Variants in PLEKHO2 observed in about 807,000 individuals in gnomAD.
PLEKHO2 encodes pleckstrin homology domain-containing family O member 2.
In PLEKHO2, 20 loss-of-function variants were observed where a neutral mutation model predicts 32.7. The ratio of observed to expected loss-of-function variants is 0.61; its 90% CI spans 0.43 to 0.89. The LOEUF is 0.89. Among genes scored for constraint, PLEKHO2 ranks in the 40% least tolerant of loss-of-function variants. The pLI, the probability that PLEKHO2 is intolerant of heterozygous loss-of-function variation, is 0.00. For missense variants in PLEKHO2, 568 were observed against 621.2 expected (o/e 0.91, Z 0.91); for synonymous variants, 247 against 246.3 (o/e 1.00, Z -0.03).
chr15:64,855,134 C>G, intron 3 of PLEKHO2, 97 bp downstream of exon 3: 1 of 955,638 alleles, frequency 1.0e-6, no homozygotes, highest in Admixed American at 2.1e-5. Context: ...CTTGAAAAAG[C>G]CTGTTTTCCG....
Position 64,865,304 on chromosome 15 carries a change from G to A in PLEKHO2, c.889G>A (p.Glu297Lys), listed in dbSNP as rs1183675120. 1.2e-6 allele frequency: 2 copies of A among 1,613,828 alleles called. No individual in the cohort carries two copies. The highest frequency in any genetic ancestry group is 1.7e-6 in the Non-Finnish European group (2 of 1,179,790). ...SAEPSQAPCS[E>K]TSEAAPREGG... ...AGAACCGTCCCAGGCACCCTGTTCT[G>A]AGACTTCTGAGGCTGCCCCCAGGGA... The change falls in exon 6 of 6, where the codon GAG (glutamate) becomes AAG (lysine). Residue 297 changes from glutamate (E) to lysine (K), a missense_variant. Glu to Lys is a moderately conservative substitution (Grantham distance 56). Transcript: ENST00000323544.
chr15:64,858,898 C>T (rs971996129), intron 3 of PLEKHO2, among the ~76,000 whole-genome samples: 2 of 152,176 alleles, frequency 1.3e-5, no homozygotes, highest in African/African-American at 4.8e-5. Flanking sequence ...AAAACTAAAA[C>T]TCTATGCCCA....
At chr15:64,843,012 C>T (rs749596580) in intron 1 of PLEKHO2, among the ~76,000 whole-genome samples, 3 of 152,192 alleles carry the variant, frequency 2.0e-5, no homozygotes, top group Non-Finnish European at 2.9e-5. Context: ...ATGTCTTTGC[C>T]TCCTTGGATG....
chr15:64,846,637 A>G (rs2084524791), intron 1 of PLEKHO2, among the ~76,000 whole-genome samples: 1 of 152,076 alleles, frequency 6.6e-6, no homozygotes, highest in Non-Finnish European at 1.5e-5. Context: ...GATCATTTGG[A>G]CCACCCCACT....
In PLEKHO2 at chr15:64,865,963, GTGCTTC is replaced by G; in HGVS notation, c.*83_*88del. Reference sequence around the variant, plus strand: ...TCAAGGCCCAGCCCTGCTGAGAAATGTGCTTCTGCTTCTACAGCAATGGCTGCAGGA... The same window carrying G: ...TCAAGGCCCAGCCCTGCTGAGAAATGTGCTTCTACAGCAATGGCTGCAGGA... On this transcript the variant is annotated 3_prime_UTR_variant, in exon 6 of 6. Coordinates refer to ENST00000323544, the MANE Select transcript of PLEKHO2 (RefSeq NM_025201.5). 2 of 1,504,704 alleles carry G rather than the reference GTGCTTC, an allele frequency of 1.3e-6. No individual in the cohort carries two copies. The highest frequency in any genetic ancestry group is 4.1e-5 in the Admixed American group (2 of 48,588). 93.2% of individuals were successfully genotyped at this position (1,504,704 alleles called of 1,614,324 possible).
chr15:64,858,966 C>T (rs958992106), intron 3 of PLEKHO2, among the ~76,000 whole-genome samples: 2 of 152,202 alleles, frequency 1.3e-5, no homozygotes, highest in African/African-American at 4.8e-5. Context: ...CCACTCTCCT[C>T]TCTGTCTCTA....
intron 1 of PLEKHO2, among the ~76,000 whole-genome samples, chr15:64,846,143 G>A (rs1054099035): frequency 6.6e-6 from 1 of 152,136 alleles, no homozygotes; most frequent in Non-Finnish European, 1.5e-5. Context: ...CGCTGAAGTA[G>A]TGTTAGGGCC....
intron 1 of PLEKHO2, among the ~76,000 whole-genome samples, chr15:64,843,602 C>T (rs536917053): frequency 2.7e-5 from 4 of 146,720 alleles, no homozygotes; most frequent in African/African-American, 5.0e-5. Context: ...TTTTTTGAGA[C>T]GGAGTTTCGC....
At chr15:64,856,874 C>T (rs1170379730) in intron 3 of PLEKHO2, among the ~76,000 whole-genome samples, 1 of 152,188 alleles carries the variant, frequency 6.6e-6, no homozygotes, top group African/African-American at 2.4e-5. Flanking sequence ...TGGGTGTTCC[C>T]CGTCCTCAGT....
At chr15:64,860,902 C>G (rs1248020070) in intron 4 of PLEKHO2, among the ~76,000 whole-genome samples, 4 of 152,226 alleles carry the variant, frequency 2.6e-5, no homozygotes, top group Non-Finnish European at 5.9e-5. Flanking sequence ...CCTGAGCCCC[C>G]ACTCCCCATC....
chr15:64,855,495 T>C (rs898197471), intron 3 of PLEKHO2, among the ~76,000 whole-genome samples: 2 of 152,098 alleles, frequency 1.3e-5, no homozygotes, highest in African/African-American at 4.8e-5. Context: ...CCTTTGTGGG[T>C]GGGCCCACCC....
intron 2 of PLEKHO2, among the ~76,000 whole-genome samples, chr15:64,851,784 G>A (rs2084571639): frequency 6.6e-6 from 1 of 152,122 alleles, no homozygotes; most frequent in African/African-American, 2.4e-5. Context: ...TGGTAGAGGT[G>A]GATGGACTTT....
In PLEKHO2 at chr15:64,866,370, TC is replaced by T. The variant is rs2084687549; in HGVS notation, c.*485del. 1 of 456,574 alleles carries T rather than the reference TC, an allele frequency of 2.2e-6. No homozygotes were observed. The allele number at this position is 456,574 out of a possible 1,614,324, so 28.3% of individuals were successfully genotyped here. On this transcript the variant is annotated 3_prime_UTR_variant, in exon 6 of 6. Transcript: ENST00000323544. ...AGGCAGCCTCAAAGCCAGCCCCTCC[TC>T]CCACCTATTCTGAGTAGCTGCAGAG...
At chr15:64,853,748 T>C (rs1429678804) in intron 2 of PLEKHO2, among the ~76,000 whole-genome samples, 1 of 152,016 alleles carries the variant, frequency 6.6e-6, no homozygotes, top group African/African-American at 2.4e-5. Flanking sequence ...TCAGAGGCTG[T>C]GGTTTGAGTT....
intron 2 of PLEKHO2, 32 bp from the exon 3 acceptor site, chr15:64,854,889 C>A: frequency 6.4e-7 from 1 of 1,559,442 alleles, no homozygotes; most frequent in Non-Finnish European, 8.8e-7. Context: ...CTGACTGTCA[C>A]CAGCTCATGT....
intron 5 of PLEKHO2, among the ~76,000 whole-genome samples, chr15:64,863,031 C>T (rs1286530143): frequency 2.6e-5 from 4 of 151,152 alleles, no homozygotes; most frequent in Admixed American, 6.6e-5. Context: ...CTCCGCCTTC[C>T]GGGTTCAAGA....
chr15:64,847,049 A>G (rs933532699), intron 1 of PLEKHO2, among the ~76,000 whole-genome samples: 1 of 152,224 alleles, frequency 6.6e-6, no homozygotes, highest in African/African-American at 2.4e-5. Context: ...AGATGAAGAA[A>G]CTGAGGCTCA....
rs1183449919 is a variant in PLEKHO2 at position 64,861,589 on chromosome 15, C to T, written c.483+14C>T. On this transcript the variant is annotated intron_variant, in intron 5 of 5. Coordinates refer to ENST00000323544, the MANE Select transcript of PLEKHO2 (RefSeq NM_025201.5). ...CACCTGAAGGAGGTAGGGCCTTACC[C>T]AGTGTGGATGTTGGGGTTAGTTGAG... 1.9e-6 allele frequency: 3 copies of T among 1,574,680 alleles called. No individual in the cohort carries two copies. Among genetic ancestry groups the T allele is most frequent in the Non-Finnish European group, 2.6e-6 (3 of 1,160,998 alleles).
Position 64,865,684 on chromosome 15 carries a change from G to A in PLEKHO2, c.1269G>A (p.Thr423=), listed in dbSNP as rs144966627. The change falls in exon 6 of 6, where the codon ACG becomes ACA. Residue 423 remains threonine, a synonymous_variant. Coordinates refer to ENST00000323544, the MANE Select transcript of PLEKHO2 (RefSeq NM_025201.5). ...AGGTGAAGGTGGCCTCGGAACAGAC[G>A]GAGAAACTGTTGAACAAGGTGCTGG... ...QLEVKVASEQ[T]EKLLNKVLGS... is the part of the protein sequence containing the mutation. The A allele has an allele frequency of 1.5e-5, 25 of 1,614,092 alleles. No individual in the cohort carries two copies. The highest frequency in any genetic ancestry group is 1.9e-5 in the Non-Finnish European group (22 of 1,180,034).
Sources: gnomAD v4.1 joint callset for allele counts (sites outside exome capture counted in the v4.1 genomes callset) on GRCh38, gnomAD v4.1.1 for gene constraint, MANE v1.5 for transcripts, NCBI Gene and HGNC (gene_info 2026-07-23, HGNC 2026-07-21) for gene names.